FUT9: variants seen among roughly 807,000 people sequenced by gnomAD.
FUT9 encodes 4-galactosyl-N-acetylglucosaminide 3-alpha-L-fucosyltransferase 9.
In FUT9, 15 loss-of-function variants were observed where a neutral mutation model predicts 29.7. The observed-to-expected ratio is 0.51, with a 90% CI of 0.34 to 0.78. The LOEUF (loss-of-function observed/expected upper bound fraction) is 0.78, where lower values mean the gene tolerates loss of function less well. Among genes scored for constraint, FUT9 ranks in the 30% least tolerant of loss-of-function variants. The pLI is 0.01. For synonymous variants in FUT9, 169 were observed against 153.7 expected (o/e 1.10, Z -0.74); for missense variants, 319 against 425.4 (o/e 0.75, Z 2.20).
intron 1 of FUT9, among the ~76,000 whole-genome samples, chr6:96,067,466 C>T (rs1283303144): frequency 6.6e-6 from 1 of 152,038 alleles, no homozygotes; most frequent in Non-Finnish European, 1.5e-5. Context: ...CACACCTGAT[C>T]GTATCAGAGG....
At chr6:96,172,419 T>C (rs186456783) in intron 2 of FUT9, among the ~76,000 whole-genome samples, 3 of 152,358 alleles carry the variant, frequency 2.0e-5, no homozygotes, top group Admixed American at 2.0e-4. Flanking sequence ...AAATGCTTAG[T>C]AATGATTCTA....
chr6:96,103,079 A>T (rs895889316), intron 1 of FUT9, among the ~76,000 whole-genome samples: 5 of 152,312 alleles, frequency 3.3e-5, no homozygotes, highest in Admixed American at 2.6e-4. Context: ...CTTCAGCATC[A>T]GCTAAGTGAA....
intron 1 of FUT9, among the ~76,000 whole-genome samples, chr6:96,071,371 T>C (rs2127947515): frequency 6.6e-6 from 1 of 152,316 alleles, no homozygotes; most frequent in Middle Eastern, 3.4e-3. Flanking sequence ...GGGAGGTAGT[T>C]ATTATGGAGA....
intron 2 of FUT9, among the ~76,000 whole-genome samples, chr6:96,200,457 T>C (rs892096470): frequency 1.3e-5 from 2 of 152,192 alleles, no homozygotes; most frequent in South Asian, 4.1e-4. Flanking sequence ...TCCTCATCTG[T>C]GAAGGGATGA....
intron 1 of FUT9, among the ~76,000 whole-genome samples, chr6:96,094,036 T>C (rs562541463): frequency 1.3e-5 from 2 of 152,290 alleles, no homozygotes; most frequent in African/African-American, 4.8e-5. Flanking sequence ...CAGTGTTTCT[T>C]CAAATTTGAT....
chr6:96,106,553 T>G (rs531332247), intron 1 of FUT9, among the ~76,000 whole-genome samples: 3 of 152,312 alleles, frequency 2.0e-5, no homozygotes, highest in African/African-American at 7.2e-5. Flanking sequence ...ACTTTACCTC[T>G]TATCTCCTAT....
chr6:96,093,079 C>T (rs1050141702), intron 1 of FUT9, among the ~76,000 whole-genome samples: 7 of 152,078 alleles, frequency 4.6e-5, no homozygotes, highest in Non-Finnish European at 8.8e-5. Flanking sequence ...CTATTCCTTC[C>T]TTTGAGAGCA....
intron 2 of FUT9, among the ~76,000 whole-genome samples, chr6:96,160,079 G>A (rs1408758437): frequency 1.3e-5 from 2 of 152,104 alleles, no homozygotes; most frequent in African/African-American, 4.8e-5. Flanking sequence ...AAGATAAAAC[G>A]TTTTAGACTT....
At chr6:96,132,945 T>TATTG (rs1021076444) in intron 2 of FUT9, among the ~76,000 whole-genome samples, 7 of 151,908 alleles carry the variant, frequency 4.6e-5, no homozygotes, top group Non-Finnish European at 8.8e-5. Context: ...TTTATTTATT[T>TATTG]ATTATTTCAA....
At chr6:96,069,239 G>A (rs935640452) in intron 1 of FUT9, among the ~76,000 whole-genome samples, 3 of 151,636 alleles carry the variant, frequency 2.0e-5, no homozygotes, top group African/African-American at 7.3e-5. Context: ...TGCTTGAACC[G>A]GGACGCTGGT....
At chr6:96,019,374 C>A (rs567024045) in intron 1 of FUT9, among the ~76,000 whole-genome samples, 1 of 151,750 alleles carries the variant, frequency 6.6e-6, no homozygotes, top group Non-Finnish European at 1.5e-5. Flanking sequence ...TGTATTATTA[C>A]GTTTTTATAA....
chr6:96,019,828 A>C (rs923248309), intron 1 of FUT9, among the ~76,000 whole-genome samples: 8 of 152,058 alleles, frequency 5.3e-5, no homozygotes, highest in African/African-American at 1.9e-4. Flanking sequence ...CATTTCTGTT[A>C]CTCTACTAAT....
intron 2 of FUT9, among the ~76,000 whole-genome samples, chr6:96,197,580 A>T (rs1773649343): frequency 6.6e-6 from 1 of 152,200 alleles, no homozygotes; most frequent in South Asian, 2.1e-4. Context: ...TGTATTTCAC[A>T]TATTTTTACC....
intron 2 of FUT9, among the ~76,000 whole-genome samples, chr6:96,197,863 T>A (rs1773654432): frequency 1.3e-5 from 2 of 152,164 alleles, no homozygotes; most frequent in African/African-American, 2.4e-5. Flanking sequence ...AAGCAAGTAT[T>A]GAACTTTGTT....
At chr6:96,037,539 G>A (rs1770384433) in intron 1 of FUT9, 1 of 151,998 alleles carries the variant, frequency 6.6e-6, no homozygotes, top group African/African-American at 2.4e-5. Flanking sequence ...GATATTTAAT[G>A]ACTTTGATAT....
At chr6:96,073,508 C>A (rs185987301) in intron 1 of FUT9, among the ~76,000 whole-genome samples, 2 of 149,718 alleles carry the variant, frequency 1.3e-5, no homozygotes, top group Non-Finnish European at 3.0e-5. Context: ...AAACATGCAA[C>A]GCAAGTAAAG....
At chr6:96,116,464 A>G (rs1302205421) in intron 2 of FUT9, among the ~76,000 whole-genome samples, 1 of 152,208 alleles carries the variant, frequency 6.6e-6, no homozygotes, top group Non-Finnish European at 1.5e-5. Context: ...CATTTTTGAC[A>G]CAAAAAAACA....
In FUT9 at chr6:96,212,727, A is replaced by G. The variant is rs1023942462; in HGVS notation, c.*8492A>G. ...GAGGTTAAACATCTTCATTATAATAATATGTCTTATTCTGATTCCAAGACA... is the reference window on the plus strand; with the variant it reads ...GAGGTTAAACATCTTCATTATAATAGTATGTCTTATTCTGATTCCAAGACA... On this transcript the variant is annotated 3_prime_UTR_variant, in exon 3 of 3. Transcript: ENST00000302103. 2.2e-5 allele frequency: 4 copies of G among 178,314 alleles called. No homozygotes were observed. Among genetic ancestry groups the G allele is most frequent in the African/African-American group, 9.5e-5 (4 of 41,968 alleles). 11.0% of individuals were successfully genotyped at this position (178,314 alleles called of 1,614,324 possible).
chr6:96,042,927 T>C (rs964496473), intron 1 of FUT9, among the ~76,000 whole-genome samples: 1 of 152,240 alleles, frequency 6.6e-6, no homozygotes, highest in Non-Finnish European at 1.5e-5. Flanking sequence ...GCTTCTATAA[T>C]GGTGGTTATC....
Sources: gnomAD v4.1 joint callset for allele counts (sites outside exome capture counted in the v4.1 genomes callset) on GRCh38, gnomAD v4.1.1 for gene constraint, MANE v1.5 for transcripts, NCBI Gene and HGNC (gene_info 2026-07-23, HGNC 2026-07-21) for gene names.